DDX31: variants seen among roughly 807,000 people sequenced by gnomAD.
The protein encoded by DDX31 is DEAD-box helicase 31.
DDX31 carries 70 observed loss-of-function variants against 91.3 expected under a neutral mutation model. That is an observed-to-expected ratio of 0.77 (90% CI 0.63 to 0.94). DDX31 has a LOEUF of 0.94. Among genes scored for constraint, DDX31 ranks in the 40% least tolerant of loss-of-function variants. The probability of loss-of-function intolerance (pLI) is 0.00; values close to 1 mark genes in which losing one functional copy is unlikely to be tolerated. For synonymous variants in DDX31, 362 were observed against 350.6 expected (o/e 1.03, Z -0.36); for missense variants, 902 against 925.0 (o/e 0.98, Z 0.32).
intron 1 of DDX31, among the ~76,000 whole-genome samples, chr9:132,666,906 G>T (rs1277857852): frequency 6.6e-6 from 1 of 152,028 alleles, no homozygotes; most frequent in Non-Finnish European, 1.5e-5. Context: ...ATAGAGACGG[G>T]GTTTCACTGT....
chr9:132,611,123 T>C (rs1360693218), intron 19 of DDX31, among the ~76,000 whole-genome samples: 3 of 152,328 alleles, frequency 2.0e-5, no homozygotes, highest in Non-Finnish European at 4.4e-5. Context: ...TCAGAGTGGT[T>C]CTGCCTGCAG....
Position 132,662,488 on chromosome 9 carries a change from T to TA in DDX31, c.282dup (p.Lys95Ter). The TA allele has an allele frequency of 6.2e-7, 1 of 1,614,214 alleles. No homozygotes were observed. On this transcript the variant is annotated frameshift_variant, in exon 2 of 20. Coordinates refer to ENST00000372159, the MANE Select transcript of DDX31 (RefSeq NM_022779.9). LOFTEE classifies it high-confidence loss of function. Reference sequence around the variant, plus strand: ...TTGTTTTTAAACAGTGATGAAGTCTTAATGCACTGTCTCTCCTCCTGGTTT... The same window carrying TA: ...TTGTTTTTAAACAGTGATGAAGTCTTAAATGCACTGTCTCTCCTCCTGGTTT...
chr9:132,624,991 C>T (rs1293281771), intron 17 of DDX31, among the ~76,000 whole-genome samples: 3 of 152,164 alleles, frequency 2.0e-5, no homozygotes, highest in Non-Finnish European at 4.4e-5. Context: ...TGATTAATAT[C>T]TCATAGACAA....
chr9:132,623,559 AAAAAAAAAAG>A (rs1176247505), intron 17 of DDX31, among the ~76,000 whole-genome samples: 31 of 150,670 alleles, frequency 2.1e-4, no homozygotes, highest in African/African-American at 4.2e-4. Context: ...CTCAAAAAAA[AAAAAAAAAAG>A]AAAAAAAAAA....
Position 132,630,227 on chromosome 9 carries a change from G to A in DDX31, c.1631+37C>T, listed in dbSNP as rs757095425. On this transcript the variant is annotated intron_variant, in intron 16 of 19. Transcript: ENST00000372159. ...AAAAGCGACAGAAAGTTAATTAGGTGAGACCAGCCGAAACCCCATTCAGGT... is the reference window on the plus strand; with the variant it reads ...AAAAGCGACAGAAAGTTAATTAGGTAAGACCAGCCGAAACCCCATTCAGGT... 14 of 1,542,890 alleles carry A rather than the reference G, an allele frequency of 9.1e-6. No individual in the cohort carries two copies. The East Asian group carries it at 2.3e-4, about 25-fold the overall frequency.
At chr9:132,638,884 C>G (rs1207092715) in intron 14 of DDX31, among the ~76,000 whole-genome samples, 1 of 152,156 alleles carries the variant, frequency 6.6e-6, no homozygotes, top group Non-Finnish European at 1.5e-5. Flanking sequence ...TAAAGACATT[C>G]ATTCTGGCCT....
intron 7 of DDX31, among the ~76,000 whole-genome samples, chr9:132,651,823 T>C (rs1834204416): frequency 6.6e-6 from 1 of 152,214 alleles, no homozygotes; most frequent in African/African-American, 2.4e-5. Flanking sequence ...AAAATTTTAA[T>C]AGCTTCTGTG....
In DDX31 at chr9:132,632,084, G is replaced by A. The variant is rs752117550; in HGVS notation, c.1448C>T (p.Ala483Val). 5.6e-6 allele frequency: 9 copies of A among 1,612,930 alleles called. No homozygotes were observed. The highest frequency in any genetic ancestry group is 1.3e-5 in the African/African-American group (1 of 74,856). Residue 483 changes from alanine to valine, a missense_variant, in exon 15 of 20, where the codon GCA becomes GTA. Ala to Val is a moderately conservative substitution (Grantham distance 64). Transcript: ENST00000372159. ...TTGAGGGAGATCTAAGCCCCGAGCT[G>A]CAACATCCTTTAACAAAGAAAAGAA... The part of the protein sequence containing the change: ...RRGVLLCTDV[A>V]ARGLDLPQVT...
intron 19 of DDX31, among the ~76,000 whole-genome samples, chr9:132,607,669 C>T (rs1291122507): frequency 2.0e-5 from 3 of 152,126 alleles, no homozygotes; most frequent in Admixed American, 1.3e-4. Context: ...GATCTTTAAA[C>T]ATTTTTAAAT....
At chr9:132,598,175 T>C (rs1489851115) in intron 19 of DDX31, among the ~76,000 whole-genome samples, 1 of 152,110 alleles carries the variant, frequency 6.6e-6, no homozygotes, top group Non-Finnish European at 1.5e-5. Context: ...ACAAAACCCA[T>C]TCATCCCTTG....
intron 18 of DDX31, 55 bp from the exon 19 acceptor site, chr9:132,612,310 C>A: frequency 6.2e-7 from 1 of 1,606,108 alleles, no homozygotes. Context: ...CTCCAAGCTC[C>A]AAAGTGCCCG....
chr9:132,614,757 T>C (rs1418375935), intron 18 of DDX31, among the ~76,000 whole-genome samples: 1 of 152,104 alleles, frequency 6.6e-6, no homozygotes, highest in Non-Finnish European at 1.5e-5. Flanking sequence ...ACAGGGATAA[T>C]GAGTTTGCCA....
In DDX31 at chr9:132,662,253, G is replaced by T. The variant is rs752849844; in HGVS notation, c.408+8C>A. ...AAACTGACCCAGAAAACACTGAAAG[G>T]TACTTACTAAATGTGGGTGGAGGCC... On this transcript the variant is annotated splice_region_variant and intron_variant, in intron 3 of 19. Transcript: ENST00000372159. The T allele has an allele frequency of 6.2e-7, 1 of 1,614,038 alleles. No homozygotes were observed.
chr9:132,665,610 TAAAATCTACTA>T (rs1195791540), intron 1 of DDX31, among the ~76,000 whole-genome samples: 1 of 151,552 alleles, frequency 6.6e-6, no homozygotes, highest in Admixed American at 6.6e-5. Context: ...ACTAAAAATC[TAAAATCTACTA>T]AAAATCTACT....
At chr9:132,654,971 GA>G (rs1834472197) in intron 6 of DDX31, among the ~76,000 whole-genome samples, 1 of 147,938 alleles carries the variant, frequency 6.8e-6, no homozygotes, top group African/African-American at 2.5e-5. Context: ...AAAAGAAGAA[GA>G]AGAAACATAA....
At chr9:132,651,390 C>T (rs989684673) in intron 7 of DDX31, among the ~76,000 whole-genome samples, 1 of 152,056 alleles carries the variant, frequency 6.6e-6, no homozygotes, top group African/African-American at 2.4e-5. Flanking sequence ...TCCCAGAGTG[C>T]CACACAGAGA....
At chr9:132,656,199 C>T (rs1463291025) in intron 6 of DDX31, among the ~76,000 whole-genome samples, 2 of 152,038 alleles carry the variant, frequency 1.3e-5, no homozygotes, top group Non-Finnish European at 2.9e-5. Context: ...CTGTTGGGTG[C>T]CTTAAATTTG....
At chr9:132,652,752 C>T (rs1012076581) in intron 6 of DDX31, among the ~76,000 whole-genome samples, 5 of 151,586 alleles carry the variant, frequency 3.3e-5, no homozygotes, top group Admixed American at 6.6e-5. Context: ...TCAGGGGGGC[C>T]GGTTATTCTC....
At position 132,618,429 on chromosome 9, in the gene DDX31, C is replaced by A. The variant is rs778400610; in HGVS notation, c.1726G>T (p.Val576Phe). The change falls in exon 18 of 20, where the codon GTT (valine) becomes TTT (phenylalanine). Residue 576 changes from valine to phenylalanine, a missense_variant. Physicochemically the swap from Val to Phe is conservative, Grantham distance 50 (BLOSUM62 -1). Coordinates refer to ENST00000372159, the MANE Select transcript of DDX31 (RefSeq NM_022779.9). ...CGCTCTCGGATTTCCTGGGGGCCAACAGCATGGGATTTCTGAGAGGGCGAC... is the reference window on the plus strand; with the variant it reads ...CGCTCTCGGATTTCCTGGGGGCCAAAAGCATGGGATTTCTGAGAGGGCGAC... ...KRWGAQKSHAVGPQEIRERAT... is the reference protein window; with the variant it reads ...KRWGAQKSHAFGPQEIRERAT... The A allele has an allele frequency of 1.3e-5, 21 of 1,610,574 alleles. No individual in the cohort carries two copies. The highest frequency in any genetic ancestry group is 3.4e-5 in the Admixed American group (2 of 59,388).
Sources: allele counts gnomAD v4.1 joint callset (sites outside exome capture counted in the v4.1 genomes callset), GRCh38; gene constraint gnomAD v4.1.1; transcripts MANE v1.5; gene names NCBI Gene and HGNC (gene_info 2026-07-23, HGNC 2026-07-21).